Variants in CRB1 observed in about 807,000 individuals in gnomAD.
CRB1 encodes the protein crumbs cell polarity complex component 1.
In CRB1, 83 loss-of-function variants were observed where a neutral mutation model predicts 120.0. The observed-to-expected ratio is 0.69, with a 90% CI of 0.58 to 0.83. The LOEUF (loss-of-function observed/expected upper bound fraction) is 0.83. Ranked by LOEUF, CRB1 falls within the 40% of genes least tolerant of loss-of-function variation. CRB1 has a pLI of 0.00. For synonymous variants in CRB1, 625 were observed against 612.5 expected, an observed-to-expected ratio of 1.02 and a Z score of -0.30; for missense variants, 1,699 against 1,687.6, an observed-to-expected ratio of 1.01 and a Z score of -0.12.
At chr1:197,276,635 A>G (rs1655224240) in intron 1 of CRB1, among the ~76,000 whole-genome samples, 1 of 151,956 alleles carries the variant, frequency 6.6e-6, no homozygotes, top group Non-Finnish European at 1.5e-5. Flanking sequence ...CCATGAGGAT[A>G]TCACAGTGAA....
At chr1:197,361,382 C>A (rs1660760358) in intron 5 of CRB1, among the ~76,000 whole-genome samples, 1 of 151,944 alleles carries the variant, frequency 6.6e-6, no homozygotes, top group South Asian at 2.1e-4. Context: ...CTGGAGATTC[C>A]ATTTTCTGGA....
chr1:197,413,360 C>A (rs1223596699), intron 5 of CRB1, among the ~76,000 whole-genome samples: 1 of 152,144 alleles, frequency 6.6e-6, no homozygotes, highest in Non-Finnish European at 1.5e-5. Flanking sequence ...ACAAGTAACT[C>A]TTGCCACAGT....
intron 5 of CRB1, among the ~76,000 whole-genome samples, chr1:197,370,361 A>G (rs964495786): frequency 2.0e-5 from 3 of 152,172 alleles, no homozygotes; most frequent in African/African-American, 4.8e-5. Context: ...TCTACCCAAC[A>G]ACTGCAGAAT....
intron 1 of CRB1, among the ~76,000 whole-genome samples, chr1:197,280,019 A>G (rs962492609): frequency 7.9e-5 from 12 of 151,834 alleles, no homozygotes; most frequent in Admixed American, 6.6e-4. Context: ...AGAGATATCT[A>G]AGGCTTGGAG....
intron 2 of CRB1, among the ~76,000 whole-genome samples, chr1:197,337,786 C>T (rs1191900770): frequency 2.6e-5 from 4 of 152,100 alleles, no homozygotes; most frequent in Non-Finnish European, 4.4e-5. Flanking sequence ...GTCAAAATCT[C>T]TCTGCCACAC....
intron 1 of CRB1, among the ~76,000 whole-genome samples, chr1:197,314,772 A>G (rs189867099): frequency 6.6e-6 from 1 of 152,018 alleles, no homozygotes; most frequent in Admixed American, 6.6e-5. Context: ...AATGCTTGAG[A>G]TGTTTAGTGT....
At chr1:197,250,274 T>C in the CRB1 span, among the ~76,000 whole-genome samples, 1 of 152,022 alleles carries the variant, frequency 6.6e-6, no homozygotes, top group Non-Finnish European at 1.5e-5. Context: ...ACTATTATCC[T>C]GTGGCATTAT....
rs565778936 is a variant in CRB1 at position 197,453,841 on chromosome 1, C to T, written c.4005+11549C>T. 3.3e-4 allele frequency among the ~76,000 whole-genome samples: 45 copies of T among 138,080 alleles called. No homozygotes were observed. In the East Asian group the frequency reaches 6.1e-3, roughly 19 times the overall value. The allele number at this position is 138,080 out of a possible 152,430, so 90.6% of individuals were successfully genotyped here. Reference sequence around the variant, plus strand: ...TAATTATTAATTATTAATATATTATCAATATTATTATTAATATATATTAAT... The same window carrying T: ...TAATTATTAATTATTAATATATTATTAATATTATTATTAATATATATTAAT... On this transcript the variant is annotated intron_variant, in intron 11 of 11. Coordinates refer to ENST00000367400, the MANE Select transcript of CRB1 (RefSeq NM_201253.3).
intron 5 of CRB1, among the ~76,000 whole-genome samples, chr1:197,407,083 T>A (rs1276516653): frequency 6.6e-6 from 1 of 152,232 alleles, no homozygotes; most frequent in Non-Finnish European, 1.5e-5. Flanking sequence ...ATTAAGAAGC[T>A]AAGTCAGCCT....
Position 197,434,730 on chromosome 1 carries a change from G to A in CRB1, c.2867G>A (p.Gly956Glu), listed in dbSNP as rs267598279. The change falls in exon 9 of 12, where the codon GGA (glycine) becomes GAA (glutamate). Residue 956 changes from glycine to glutamate, a missense_variant. Physicochemically the swap from Gly to Glu is moderately conservative, Grantham distance 98. Transcript: ENST00000367400. ...FECIANAVFN[G>E]QSGQILFRSN... ...GGTATTGCAAATGCTGTTTTTAATG[G>A]ACAAAGCGGTCAAATATTATTCAGA... The A allele has an allele frequency of 6.2e-7, 1 of 1,613,176 alleles. No homozygotes were observed. Among genetic ancestry groups the A allele is most frequent in the African/African-American group, 1.3e-5 (1 of 74,828 alleles).
intron 11 of CRB1, among the ~76,000 whole-genome samples, chr1:197,447,678 C>CA (rs199913220): frequency 8.8e-5 from 13 of 148,386 alleles, no homozygotes; most frequent in East Asian, 2.0e-4. Flanking sequence ...CCCTTTCTGA[C>CA]AAAAAAAAAG....
At chr1:197,443,428 G>A (rs1380896301) in intron 11 of CRB1, 2 of 151,546 alleles carry the variant, frequency 1.3e-5, no homozygotes, top group African/African-American at 4.8e-5. Context: ...CTAACAAATA[G>A]AACAATTTTT....
intron 5 of CRB1, among the ~76,000 whole-genome samples, chr1:197,411,215 G>A (rs547010893): frequency 1.3e-5 from 2 of 152,170 alleles, no homozygotes; most frequent in Admixed American, 6.5e-5. Context: ...AATATTTCGA[G>A]TTCAAATTGG....
At chr1:197,474,712 AT>A (rs1412363329) in intron 11 of CRB1, among the ~76,000 whole-genome samples, 4 of 152,064 alleles carry the variant, frequency 2.6e-5, no homozygotes, top group Non-Finnish European at 4.4e-5. Flanking sequence ...AAACCAAGTG[AT>A]TTTTCTCTTG....
At chr1:197,354,923 G>A (rs1040948766) in intron 4 of CRB1, among the ~76,000 whole-genome samples, 1 of 130,862 alleles carries the variant, frequency 7.6e-6, no homozygotes, top group Non-Finnish European at 1.6e-5. Context: ...TTTACAGAGA[G>A]CTGATTGGTC....
At chr1:197,295,531 A>G (rs1028538976) in intron 1 of CRB1, among the ~76,000 whole-genome samples, 5 of 152,066 alleles carry the variant, frequency 3.3e-5, no homozygotes, top group African/African-American at 1.2e-4. Flanking sequence ...CAGACACTCA[A>G]GAACTTCACA....
intron 11 of CRB1, among the ~76,000 whole-genome samples, chr1:197,468,638 A>C (rs111287553): frequency 9.2e-4 from 140 of 152,256 alleles, no homozygotes; most frequent in African/African-American, 3.3e-3. Flanking sequence ...CAGAGTAACA[A>C]ATAGTCATGC....
chr1:197,456,223 C>T (rs1003384635), intron 11 of CRB1, among the ~76,000 whole-genome samples: 2 of 151,974 alleles, frequency 1.3e-5, no homozygotes, highest in Non-Finnish European at 2.9e-5. Flanking sequence ...ATACCTAGAA[C>T]TCAGGAAAAA....
the CRB1 span, among the ~76,000 whole-genome samples, chr1:197,256,935 G>C: frequency 2.3e-4 from 4 of 17,152 alleles, no homozygotes; most frequent in African/African-American, 2.9e-4. Flanking sequence ...GGATTTGCGT[G>C]TGTGTGTGTG....
Sources: gnomAD v4.1 joint callset for allele counts (sites outside exome capture counted in the v4.1 genomes callset) on GRCh38, gnomAD v4.1.1 for gene constraint, MANE v1.5 for transcripts, NCBI Gene and HGNC (gene_info 2026-07-23, HGNC 2026-07-21) for gene names.